Variants in NXPH1 observed in about 807,000 individuals in gnomAD.
The protein encoded by NXPH1 is neurexophilin 1, also known as neurexophilin-1.
In NXPH1, 5 loss-of-function variants were observed where a neutral mutation model predicts 23.7. The ratio of observed to expected loss-of-function variants is 0.21; its 90% CI spans 0.11 to 0.44. NXPH1 has a LOEUF of 0.44. Among genes scored for constraint, NXPH1 ranks in the 20% least tolerant of loss-of-function variants. NXPH1 has a pLI of 0.99. For synonymous variants in NXPH1, 144 were observed against 122.2 expected (o/e 1.18, Z -1.18); for missense variants, 324 against 321.6 (o/e 1.01, Z -0.06).
At chr7:8,453,560 T>C (rs1816542180) in intron 2 of NXPH1, among the ~76,000 whole-genome samples, 1 of 152,188 alleles carries the variant, frequency 6.6e-6, no homozygotes, top group Non-Finnish European at 1.5e-5. Context: ...ATATGTTTTA[T>C]TTATTAAACT....
chr7:8,449,557 C>G (rs922657150), intron 2 of NXPH1, among the ~76,000 whole-genome samples: 1 of 152,040 alleles, frequency 6.6e-6, no homozygotes, highest in Non-Finnish European at 1.5e-5. Context: ...TATGCTCATG[C>G]TAGTGATATG....
intron 2 of NXPH1, among the ~76,000 whole-genome samples, chr7:8,715,483 G>A (rs1348203599): frequency 1.3e-5 from 2 of 152,118 alleles, no homozygotes; most frequent in African/African-American, 4.8e-5. Flanking sequence ...GGTGTCAGGA[G>A]GAGGCTTCTA....
chr7:8,538,426 A>C (rs1311026596), intron 2 of NXPH1, among the ~76,000 whole-genome samples: 1 of 151,926 alleles, frequency 6.6e-6, no homozygotes, highest in African/African-American at 2.4e-5. Context: ...GTTTCAAACT[A>C]AATTCTGATA....
intron 2 of NXPH1, among the ~76,000 whole-genome samples, chr7:8,579,859 T>C (rs945800489): frequency 1.3e-5 from 2 of 152,086 alleles, no homozygotes; most frequent in African/African-American, 4.8e-5. Flanking sequence ...TTAAATCCAT[T>C]GGGGGGCATC....
chr7:8,751,559 C>G lies in NXPH1; in HGVS notation c.606C>G (p.Asp202Glu). The G allele has an allele frequency of 6.2e-7, 1 of 1,613,358 alleles. No homozygotes were observed. Among genetic ancestry groups the G allele is most frequent in the Non-Finnish European group, 8.5e-7 (1 of 1,179,648 alleles). Reference sequence around the variant, plus strand: ...GTCGCATTGAATATGAAAAGGTTGACAAGGCTACCAAGAACACACTCTGCA... The same window carrying G: ...GTCGCATTGAATATGAAAAGGTTGAGAAGGCTACCAAGAACACACTCTGCA... Reference protein sequence around the residue: ...FNCRIEYEKVDKATKNTLCNY... With the variant: ...FNCRIEYEKVEKATKNTLCNY... Residue 202 changes from aspartate (D) to glutamate (E), a missense_variant, in exon 3 of 3, where the codon GAC becomes GAG. Physicochemically the swap from Asp to Glu is conservative, Grantham distance 45 (BLOSUM62 2). Coordinates refer to ENST00000405863, the MANE Select transcript of NXPH1 (RefSeq NM_152745.3). This position sits in a 1 kb window ranked among gnomAD's most constrained non-coding sequence, Gnocchi z 4.5.
intron 2 of NXPH1, among the ~76,000 whole-genome samples, chr7:8,691,489 T>C (rs1440063626): frequency 6.6e-6 from 1 of 152,114 alleles, no homozygotes; most frequent in East Asian, 1.9e-4. Flanking sequence ...AAAAACAAAT[T>C]AAGGAATTTA....
At chr7:8,652,636 G>A (rs1255644736) in intron 2 of NXPH1, among the ~76,000 whole-genome samples, 1 of 152,148 alleles carries the variant, frequency 6.6e-6, no homozygotes, top group Non-Finnish European at 1.5e-5. Context: ...AACAAGACAG[G>A]TAAGTTTCTG....
chr7:8,513,420 C>G (rs1318048704), intron 2 of NXPH1, among the ~76,000 whole-genome samples: 1 of 152,132 alleles, frequency 6.6e-6, no homozygotes. Context: ...CATGTAGTTT[C>G]TACTTATCAG....
intron 2 of NXPH1, among the ~76,000 whole-genome samples, chr7:8,694,611 C>G (rs1487489404): frequency 6.6e-6 from 1 of 152,044 alleles, no homozygotes; most frequent in Non-Finnish European, 1.5e-5. Flanking sequence ...ATATTTGATT[C>G]ATCATTTGAT....
intron 2 of NXPH1, among the ~76,000 whole-genome samples, chr7:8,732,618 A>G (rs1192536316): frequency 1.3e-5 from 2 of 152,334 alleles, no homozygotes; most frequent in East Asian, 1.9e-4. Flanking sequence ...TAGCAAAGAA[A>G]TAGTCTTTTA....
chr7:8,509,353 T>A (rs1414223120), intron 2 of NXPH1, among the ~76,000 whole-genome samples: 1 of 152,136 alleles, frequency 6.6e-6, no homozygotes, highest in Non-Finnish European at 1.5e-5. Context: ...GTGGCTAGGA[T>A]AAACACCTTG....
chr7:8,701,358 T>A (rs997972693), intron 2 of NXPH1, among the ~76,000 whole-genome samples: 1 of 152,086 alleles, frequency 6.6e-6, no homozygotes, highest in Non-Finnish European at 1.5e-5. Context: ...ACAAATTCTT[T>A]CATTCATTGG....
intron 2 of NXPH1, among the ~76,000 whole-genome samples, chr7:8,446,768 TA>T (rs1249925308): frequency 1.3e-5 from 2 of 152,208 alleles, no homozygotes; most frequent in African/African-American, 4.8e-5. Flanking sequence ...CCTCACTGTA[TA>T]TTTATATTGG....
In NXPH1 at chr7:8,580,379, C is replaced by T. The variant is rs971264455; in HGVS notation, c.54+144612C>T. 6.6e-5 allele frequency among the ~76,000 whole-genome samples: 10 copies of T among 152,082 alleles called. 1 individual carries two copies. In the East Asian group the frequency reaches 1.9e-3, roughly 29 times the overall value. On this transcript the variant is annotated intron_variant, in intron 2 of 2. Coordinates refer to ENST00000405863, the MANE Select transcript of NXPH1 (RefSeq NM_152745.3). The stretch of plus-strand genomic sequence containing the variant: ...AGAGACAGGATGTTACTAACATCCA[C>T]TTACTCTTGGCAGAAAAAGATTAGG...
intron 2 of NXPH1, among the ~76,000 whole-genome samples, chr7:8,566,342 T>A (rs1818545716): frequency 6.6e-6 from 1 of 151,840 alleles, no homozygotes; most frequent in Admixed American, 6.6e-5. Flanking sequence ...ACAGAGACTA[T>A]GATGATTAAT....
intron 2 of NXPH1, among the ~76,000 whole-genome samples, chr7:8,730,630 G>C (rs1289850289): frequency 2.0e-5 from 3 of 152,090 alleles, no homozygotes. Context: ...GAAATTCTGG[G>C]TTGACAATTC....
At chr7:8,559,929 T>C (rs1044912626) in intron 2 of NXPH1, among the ~76,000 whole-genome samples, 13 of 151,694 alleles carry the variant, frequency 8.6e-5, no homozygotes, top group Non-Finnish European at 1.9e-4. Flanking sequence ...TAGGCTGACA[T>C]GAAAGATTGC....
chr7:8,485,460 T>C (rs1817143692), intron 2 of NXPH1, among the ~76,000 whole-genome samples: 1 of 152,146 alleles, frequency 6.6e-6, no homozygotes, highest in Non-Finnish European at 1.5e-5. Flanking sequence ...CAGAGGGTCT[T>C]GTTCGTGGAT....
chr7:8,612,404 G>A (rs772973267), intron 2 of NXPH1, among the ~76,000 whole-genome samples: 8 of 151,900 alleles, frequency 5.3e-5, no homozygotes, highest in Non-Finnish European at 7.4e-5. Flanking sequence ...ATAGTTTTGA[G>A]AAGAGGAGAT....
Sources: allele counts gnomAD v4.1 joint callset (sites outside exome capture counted in the v4.1 genomes callset), GRCh38; gene constraint gnomAD v4.1.1; non-coding constraint Gnocchi (gnomAD v3.1); transcripts MANE v1.5; gene names NCBI Gene and HGNC (gene_info 2026-07-23, HGNC 2026-07-21).